VPS13B: variants seen among roughly 807,000 people sequenced by gnomAD.
The protein encoded by VPS13B is intermembrane lipid transfer protein VPS13B.
A neutral mutation model predicts 426.4 loss-of-function variants in VPS13B; 285 were observed. The ratio of observed to expected loss-of-function variants is 0.67; its 90% CI spans 0.61 to 0.74. The LOEUF (loss-of-function observed/expected upper bound fraction) is 0.74, where lower values mean the gene tolerates loss of function less well. Among genes scored for constraint, VPS13B ranks in the 30% least tolerant of loss-of-function variants. The pLI is 0.00. For synonymous variants in VPS13B, 1,676 were observed against 1,676.4 expected (o/e 1.00, Z 0.01); for missense variants, 4,537 against 4,782.6 (o/e 0.95, Z 1.51).
At chr8:99,741,488 C>T (rs1809721766) in intron 39 of VPS13B, among the ~76,000 whole-genome samples, 1 of 152,232 alleles carries the variant, frequency 6.6e-6, no homozygotes, top group African/African-American at 2.4e-5. Flanking sequence ...TAGACATCTA[C>T]AGAACTCTCC....
intron 3 of VPS13B, among the ~76,000 whole-genome samples, chr8:99,058,179 G>C (rs541545030): frequency 1.1e-4 from 16 of 151,932 alleles, no homozygotes; most frequent in African/African-American, 3.6e-4. Context: ...CATGAATGTA[G>C]TGTGGAATTT....
At chr8:99,054,171 A>C (rs1200987767) in intron 3 of VPS13B, among the ~76,000 whole-genome samples, 2 of 152,204 alleles carry the variant, frequency 1.3e-5, no homozygotes, top group Admixed American at 1.3e-4. Context: ...CCCTGCTTTC[A>C]GTTCTTTTGC....
At chr8:99,135,480 TTC>T in intron 10 of VPS13B, 114 bp from the exon 11 acceptor site, 13 of 1,348,986 alleles carry the variant, frequency 9.6e-6, no homozygotes, top group Non-Finnish European at 1.3e-5. Flanking sequence ...TTCCTTATCT[TTC>T]TGTTTTAGTG....
At chr8:99,517,278 C>A (rs1303535512) in intron 29 of VPS13B, among the ~76,000 whole-genome samples, 1 of 152,122 alleles carries the variant, frequency 6.6e-6, no homozygotes, top group Non-Finnish European at 1.5e-5. Context: ...TATTATCTGA[C>A]AGTTGCATGA....
intron 2 of VPS13B, among the ~76,000 whole-genome samples, chr8:99,027,676 A>G (rs1842209266): frequency 6.6e-6 from 1 of 151,682 alleles, no homozygotes; most frequent in South Asian, 2.1e-4. Context: ...ATGGCATCCC[A>G]TTGTCTCTTG....
chr8:99,468,825 T>G (rs1301738992), intron 24 of VPS13B, among the ~76,000 whole-genome samples: 1 of 152,222 alleles, frequency 6.6e-6, no homozygotes, highest in African/African-American at 2.4e-5. Flanking sequence ...ATTAACTGTA[T>G]TTTTGTTTGT....
At chr8:99,326,666 T>C (rs1190103095) in intron 19 of VPS13B, among the ~76,000 whole-genome samples, 4 of 151,946 alleles carry the variant, frequency 2.6e-5, no homozygotes, top group Admixed American at 6.6e-5. Flanking sequence ...CCGAAAGTGC[T>C]GGGATTATAG....
chr8:99,057,600 A>G (rs1843948482), intron 3 of VPS13B, among the ~76,000 whole-genome samples: 1 of 152,122 alleles, frequency 6.6e-6, no homozygotes, highest in Non-Finnish European at 1.5e-5. Context: ...TTTACTCACA[A>G]AATGCTATTT....
Position 99,159,099 on chromosome 8 carries a change from T to A in VPS13B, c.2208+2356T>A, listed in dbSNP as rs535544718. ...TGGAAGAAGTTGATTTCAGTCCTCATGGATTACTTTGAGGGGTTCAAGGCT... is the reference window on the plus strand; with the variant it reads ...TGGAAGAAGTTGATTTCAGTCCTCAAGGATTACTTTGAGGGGTTCAAGGCT... On this transcript the variant is annotated intron_variant, in intron 15 of 61. Transcript: ENST00000357162. 9.1e-4 allele frequency among the ~76,000 whole-genome samples: 138 copies of A among 152,334 alleles called. 1 individual carries two copies. Among genetic ancestry groups the A allele is most frequent in the African/African-American group, 2.8e-3 (116 of 41,586 alleles).
Position 99,029,904 on chromosome 8 carries a change from CTT to C in VPS13B, c.148-8517_148-8516del, listed in dbSNP as rs1053793014. 9.1e-4 allele frequency among the ~76,000 whole-genome samples: 139 copies of C among 152,164 alleles called. 2 individuals carry two copies. The highest frequency in any genetic ancestry group is 3.3e-3 in the African/African-American group (137 of 41,532). The stretch of plus-strand genomic sequence containing the variant: ...ACACTTTTCCTATTTTTAAAATTCT[CTT>C]TGTGTTTGAATTTTGACAGTTTCAC... On this transcript the variant is annotated intron_variant, in intron 2 of 61. Coordinates refer to ENST00000357162, the MANE Select transcript of VPS13B (RefSeq NM_152564.5).
chr8:99,551,690 A>G (rs1008336253), intron 30 of VPS13B, among the ~76,000 whole-genome samples: 1 of 151,964 alleles, frequency 6.6e-6, no homozygotes, highest in Non-Finnish European at 1.5e-5. Flanking sequence ...TTCTTCAACA[A>G]TACAAGAAAC....
intron 2 of VPS13B, among the ~76,000 whole-genome samples, chr8:99,015,209 A>G: frequency 6.8e-6 from 1 of 146,576 alleles, no homozygotes. Context: ...CAAGTGTAAC[A>G]GCTCAATTTT....
chr8:99,666,109 GCTGT>G (rs1290009720), intron 35 of VPS13B, among the ~76,000 whole-genome samples: 4 of 152,018 alleles, frequency 2.6e-5, no homozygotes, highest in African/African-American at 7.3e-5. Context: ...TCATGATTTG[GCTGT>G]CTGTTATTGG....
intron 12 of VPS13B, among the ~76,000 whole-genome samples, chr8:99,140,640 C>A (rs992395087): frequency 2.1e-5 from 3 of 145,112 alleles, no homozygotes; most frequent in African/African-American, 5.1e-5. Context: ...TCCTCCTCCC[C>A]CTCCTTGCCT....
intron 30 of VPS13B, among the ~76,000 whole-genome samples, chr8:99,542,821 A>G (rs557327807): frequency 6.6e-6 from 1 of 152,284 alleles, no homozygotes; most frequent in South Asian, 2.1e-4. Context: ...TGATAATACT[A>G]CCTACCTCAT....
chr8:99,856,847 C>T (rs1312261785), intron 56 of VPS13B, among the ~76,000 whole-genome samples: 2 of 151,892 alleles, frequency 1.3e-5, no homozygotes, highest in Non-Finnish European at 2.9e-5. Context: ...TCTCCAAAAA[C>T]ATAAAAAATA....
At chr8:99,370,574 C>A (rs1305083985) in intron 19 of VPS13B, among the ~76,000 whole-genome samples, 3 of 143,880 alleles carry the variant, frequency 2.1e-5, no homozygotes, top group Admixed American at 7.0e-5. Context: ...TGCATAAAAT[C>A]TGTAGATGTC....
At chr8:99,615,071 T>A (rs914094169) in intron 33 of VPS13B, among the ~76,000 whole-genome samples, 1 of 144,768 alleles carries the variant, frequency 6.9e-6, no homozygotes, top group Admixed American at 7.3e-5. Context: ...GAGCCGAGAT[T>A]GCGCCATTGC....
chr8:99,246,545 C>A (rs1188818693), intron 17 of VPS13B, among the ~76,000 whole-genome samples: 3 of 152,144 alleles, frequency 2.0e-5, no homozygotes, highest in East Asian at 3.8e-4. Flanking sequence ...TATTATTTAA[C>A]CCATTATAAA....
Sources: allele counts gnomAD v4.1 joint callset (sites outside exome capture counted in the v4.1 genomes callset), GRCh38; gene constraint gnomAD v4.1.1; transcripts MANE v1.5; gene names NCBI Gene and HGNC (gene_info 2026-07-23, HGNC 2026-07-21).